The following PAX7 variants were observed in gnomAD, a reference collection of about 807,000 sequenced individuals.
PAX7 encodes the protein paired box protein Pax-7.
PAX7 carries 18 observed loss-of-function variants against 50.7 expected under a neutral mutation model. The observed-to-expected ratio is 0.36, with a 90% CI of 0.25 to 0.53. PAX7 has a LOEUF of 0.53. Ranked by LOEUF, PAX7 falls within the 20% of genes least tolerant of loss-of-function variation. The pLI is 0.93. For missense variants in PAX7, 644 were observed against 702.9 expected, an observed-to-expected ratio of 0.92 and a Z score of 0.95; for synonymous variants, 310 against 290.4, an observed-to-expected ratio of 1.07 and a Z score of -0.69.
At chr1:18,647,462 T>G (rs1364333645) in intron 4 of PAX7, among the ~76,000 whole-genome samples, 2 of 118,482 alleles carry the variant, frequency 1.7e-5, no homozygotes, top group African/African-American at 6.7e-5. Context: ...TAGTGGATGC[T>G]GTAGAGGAGA....
intron 4 of PAX7, among the ~76,000 whole-genome samples, chr1:18,670,489 C>T (rs553699075): frequency 2.0e-5 from 3 of 152,260 alleles, no homozygotes; most frequent in African/African-American, 7.2e-5. Context: ...CCCACCTCCT[C>T]GGCTGTGGCA....
chr1:18,671,036 C>T (rs2088741502), intron 4 of PAX7, among the ~76,000 whole-genome samples: 1 of 152,304 alleles, frequency 6.6e-6, no homozygotes, highest in South Asian at 2.1e-4. Flanking sequence ...CCCAGCACCC[C>T]ATACCCCCTC....
intron 4 of PAX7, among the ~76,000 whole-genome samples, chr1:18,668,555 T>A (rs945144589): frequency 1.3e-5 from 2 of 151,962 alleles, no homozygotes; most frequent in Admixed American, 1.3e-4. Context: ...TTAAAAAAAA[T>A]TAGCTGGGCA....
At chr1:18,736,774 T>C (rs1930702532) in intron 8 of PAX7, among the ~76,000 whole-genome samples, 1 of 152,258 alleles carries the variant, frequency 6.6e-6, no homozygotes, top group Non-Finnish European at 1.5e-5. Context: ...GTTTTCCAAC[T>C]ACTAAATAAC....
rs564860144 is a variant in PAX7, at chr1:18,630,930, C to T, written c.-674C>T. 5.2e-4 allele frequency: 105 copies of T among 201,458 alleles called. No individual in the cohort carries two copies. The highest frequency in any genetic ancestry group is 4.6e-4 in the Non-Finnish European group (45 of 97,640). The allele number at this position is 201,458 out of a possible 1,614,324, so 12.5% of individuals were successfully genotyped here. On this transcript the variant is annotated 5_prime_UTR_variant, in exon 1 of 9. Transcript: ENST00000420770. ...TTTCCCCAACCCCGTCACCCCCTGT[C>T]TCCTCCGTCCAGCCCTGAAACCCGA...
At chr1:18,714,928 G>C (rs2089399792) in intron 7 of PAX7, among the ~76,000 whole-genome samples, 1 of 152,240 alleles carries the variant, frequency 6.6e-6, no homozygotes, top group Non-Finnish European at 1.5e-5. Context: ...CAGACAGAAG[G>C]AAAGAAAATG....
chr1:18,691,820 G>A lies in PAX7; in HGVS notation c.653G>A (p.Arg218Gln), dbSNP rs759517187. 6.2e-7 allele frequency: 1 copy of A among 1,612,182 alleles called. No individual in the cohort carries two copies. Among genetic ancestry groups the A allele is most frequent in the Non-Finnish European group, 8.5e-7 (1 of 1,179,280 alleles). ...GACCTCCCACTGAAGCGCAAGCAGC[G>A]ACGCAGTCGGACCACATTCACGGCC... is the stretch of plus-strand genomic sequence containing the variant. ...EPDLPLKRKQ[R>Q]RSRTTFTAEQ... The change falls in exon 5 of 9, where the codon CGA becomes CAA. Residue 218 changes from arginine to glutamine, a missense_variant. Physicochemically the swap from Arg to Gln is conservative, Grantham distance 43. Coordinates refer to ENST00000420770, the MANE Select transcript of PAX7 (RefSeq NM_001135254.2).
chr1:18,734,084 G>T (rs893032385), intron 7 of PAX7, among the ~76,000 whole-genome samples: 1 of 152,218 alleles, frequency 6.6e-6, no homozygotes. Flanking sequence ...CTGTGGCCAG[G>T]CCTCAATGCC....
At chr1:18,644,101 C>T (rs2088302640) in intron 4 of PAX7, among the ~76,000 whole-genome samples, 1 of 152,234 alleles carries the variant, frequency 6.6e-6, no homozygotes, top group African/African-American at 2.4e-5. Flanking sequence ...TTCCAGGCTG[C>T]GAACGCTGCG....
At position 18,731,926 on chromosome 1, in the gene PAX7, G is replaced by A. The variant is rs536381223; in HGVS notation, c.1156-3706G>A. Among the ~76,000 whole-genome samples the A allele has an allele frequency of 1.8e-4, 28 of 152,296 alleles. 3 individuals carry two copies. The South Asian group carries it at 5.8e-3, about 32-fold the overall frequency. ...CCCAAGCCCCTTCTGAGAAAGGACT[G>A]CACAAGCCCTCGCAGCTCCTGGAAT... On this transcript the variant is annotated intron_variant, in intron 7 of 8. Transcript: ENST00000420770.
chr1:18,713,923 G>A (rs774316582), intron 7 of PAX7, among the ~76,000 whole-genome samples: 2 of 152,298 alleles, frequency 1.3e-5, no homozygotes, highest in African/African-American at 2.4e-5. Context: ...AAATGCTCAC[G>A]TGCTCAGCCG....
At chr1:18,728,942 A>G (rs930246944) in intron 7 of PAX7, among the ~76,000 whole-genome samples, 4 of 151,942 alleles carry the variant, frequency 2.6e-5, no homozygotes, top group African/African-American at 9.7e-5. Context: ...AGAACCAGTG[A>G]TGGAGCAGAC....
intron 7 of PAX7, among the ~76,000 whole-genome samples, chr1:18,725,987 TGTGTGTGCGCGCGCGCGCGTGCGCGC>T (rs1328941658): frequency 2.1e-5 from 3 of 143,104 alleles, no homozygotes; most frequent in Admixed American, 7.1e-5. Flanking sequence ...AGAGTGTGTG[TGTGTGTGCGCGCGCGCGCGTGCGCGC>T]GTGTGTGTGC....
intron 4 of PAX7, among the ~76,000 whole-genome samples, chr1:18,669,647 G>C (rs1374097206): frequency 6.6e-6 from 1 of 152,176 alleles, no homozygotes; most frequent in African/African-American, 2.4e-5. Context: ...CGTACTGGGG[G>C]AAGCTGTCCC....
In PAX7 at chr1:18,636,787, G is replaced by T. The variant is rs988488959; in HGVS notation, c.586+416G>T. On this transcript the variant is annotated intron_variant, in intron 4 of 8. Transcript: ENST00000420770. This position sits in a 1 kb window ranked among gnomAD's most constrained non-coding sequence, Gnocchi z 5.1. ...GGGACGGGAGGGAGGGAGAGAGGAA[G>T]GAGGAGCCGGCCCGCGGCTCCCTAA... 6.6e-6 allele frequency among the ~76,000 whole-genome samples: 1 copy of T among 152,162 alleles called. No homozygotes were observed. The highest frequency in any genetic ancestry group is 1.5e-5 in the Non-Finnish European group (1 of 68,038).
At chr1:18,728,940 T>C (rs1354003496) in intron 7 of PAX7, among the ~76,000 whole-genome samples, 1 of 151,314 alleles carries the variant, frequency 6.6e-6, no homozygotes, top group Non-Finnish European at 1.5e-5. Flanking sequence ...GGAGAACCAG[T>C]GATGGAGCAG....
Position 18,748,507 on chromosome 1 carries a change from T to G in PAX7, c.*3578T>G. Reference sequence around the variant, plus strand: ...GAAACGCTCTGAGACTTCTGTGTATTTGATGCTTCTTCAAGTCAGCTCTGA... The same window carrying G: ...GAAACGCTCTGAGACTTCTGTGTATGTGATGCTTCTTCAAGTCAGCTCTGA... On this transcript the variant is annotated 3_prime_UTR_variant, in exon 9 of 9. Transcript: ENST00000420770. The G allele has an allele frequency of 4.3e-6, 1 of 231,764 alleles. No individual in the cohort carries two copies. 14.4% of individuals were successfully genotyped at this position (231,764 alleles called of 1,614,324 possible). A position where few individuals can be genotyped will look rare whatever the true frequency, so the allele number is the denominator to read the frequency against.
rs1289805870 is a variant in PAX7 at position 18,700,066 on chromosome 1, T to A, written c.787-587T>A. On this transcript the variant is annotated intron_variant, in intron 5 of 8. Coordinates refer to ENST00000420770, the MANE Select transcript of PAX7 (RefSeq NM_001135254.2). This position sits in a 1 kb window ranked among gnomAD's most constrained non-coding sequence, Gnocchi z 4.8. ...ATGTTGGGTTATTATCCCACTAATG[T>A]TTGATAAATCCGTGTGTGTGTGTGT... 2.7e-5 allele frequency among the ~76,000 whole-genome samples: 4 copies of A among 147,370 alleles called. No individual in the cohort carries two copies. The highest frequency in any genetic ancestry group is 5.9e-5 in the Non-Finnish European group (4 of 67,500).
chr1:18,687,361 G>A (rs1332316613), intron 4 of PAX7, among the ~76,000 whole-genome samples: 2 of 152,150 alleles, frequency 1.3e-5, no homozygotes, highest in African/African-American at 4.8e-5. Flanking sequence ...CAGGTCTCAG[G>A]CTGCCGAGAC....
Sources: allele counts gnomAD v4.1 joint callset (sites outside exome capture counted in the v4.1 genomes callset), GRCh38; gene constraint gnomAD v4.1.1; non-coding constraint Gnocchi (gnomAD v3.1); transcripts MANE v1.5; gene names NCBI Gene and HGNC (gene_info 2026-07-23, HGNC 2026-07-21).